Variants in MTUS2 observed in about 807,000 individuals in gnomAD.
MTUS2 encodes microtubule associated scaffold protein 2.
Under a neutral mutation model 114.1 loss-of-function variants are expected in MTUS2, and 40 were observed. The observed-to-expected ratio is 0.35, with a 90% CI of 0.27 to 0.46. MTUS2 has a LOEUF of 0.46. Ranked by LOEUF, MTUS2 falls within the 20% of genes least tolerant of loss-of-function variation. The probability of loss-of-function intolerance (pLI) is 1.00; values close to 1 mark genes in which losing one functional copy is unlikely to be tolerated. For synonymous variants in MTUS2, 688 were observed against 672.0 expected (o/e 1.02, Z -0.37); for missense variants, 1,679 against 1,705.4 (o/e 0.98, Z 0.27).
chr13:29,350,538 T>A (rs934051722), intron 7 of MTUS2, among the ~76,000 whole-genome samples: 1 of 151,928 alleles, frequency 6.6e-6, no homozygotes, highest in Non-Finnish European at 1.5e-5. Context: ...CTTACTTGAT[T>A]AGGCCAGGCT....
At chr13:28,971,395 G>C (rs925488691) in intron 2 of MTUS2, among the ~76,000 whole-genome samples, 7 of 152,160 alleles carry the variant, frequency 4.6e-5, no homozygotes, top group African/African-American at 1.7e-4. Flanking sequence ...AAGTACCTAG[G>C]ATATGTCCGA....
rs374947762 is a variant in MTUS2 at position 29,309,687 on chromosome 13, G to C, written c.2807-14926G>C. On this transcript the variant is annotated intron_variant, in intron 6 of 15. Coordinates refer to ENST00000612955, the MANE Select transcript of MTUS2 (RefSeq NM_001033602.4). Reference sequence around the variant, plus strand: ...CACAAACATTCAGACCACATAGTAGGTTCTAAATAAATATTTATAATAATA... The same window carrying C: ...CACAAACATTCAGACCACATAGTAGCTTCTAAATAAATATTTATAATAATA... Among the ~76,000 whole-genome samples, 51 of 152,198 alleles carry C rather than the reference G, an allele frequency of 3.4e-4. No homozygotes were observed. In the East Asian group the frequency reaches 9.1e-3, roughly 27 times the overall value.
chr13:29,045,622 A>G (rs892597646), intron 4 of MTUS2, among the ~76,000 whole-genome samples: 2 of 152,168 alleles, frequency 1.3e-5, no homozygotes, highest in Non-Finnish European at 2.9e-5. Context: ...GCAACCTGGA[A>G]ATGCTACATA....
chr13:28,943,541 C>T (rs1051873132), intron 2 of MTUS2, among the ~76,000 whole-genome samples: 11 of 152,138 alleles, frequency 7.2e-5, no homozygotes, highest in African/African-American at 2.7e-4. Flanking sequence ...ATCATTGCAG[C>T]AACTGTTTCT....
At chr13:29,493,261 C>T (rs1039749748) in intron 12 of MTUS2, among the ~76,000 whole-genome samples, 18 of 152,160 alleles carry the variant, frequency 1.2e-4, no homozygotes, top group African/African-American at 4.1e-4. Context: ...TCCTGCAGGC[C>T]TCTAAGGAGA....
intron 4 of MTUS2, among the ~76,000 whole-genome samples, chr13:29,059,332 C>T (rs1303831074): frequency 6.8e-6 from 1 of 147,064 alleles, no homozygotes; most frequent in Non-Finnish European, 1.5e-5. Context: ...CTAGTTTGCT[C>T]CTACGTCTTG....
intron 7 of MTUS2, among the ~76,000 whole-genome samples, chr13:29,342,594 T>C (rs574750373): frequency 6.6e-6 from 1 of 152,252 alleles, no homozygotes; most frequent in African/African-American, 2.4e-5. Context: ...TACCATTATG[T>C]CATTGGTGAA....
At chr13:29,472,084 G>T (rs1352237621) in intron 9 of MTUS2, among the ~76,000 whole-genome samples, 2 of 152,116 alleles carry the variant, frequency 1.3e-5, no homozygotes, top group Non-Finnish European at 2.9e-5. Context: ...GAGTGCAGTG[G>T]CATGATCTCG....
chr13:28,991,554 G>T (rs1258638935), intron 2 of MTUS2, among the ~76,000 whole-genome samples: 1 of 152,060 alleles, frequency 6.6e-6, no homozygotes. Context: ...ATTTTTAGTA[G>T]AGACGGGGTT....
At chr13:29,006,537 C>T (rs1223708218) in intron 2 of MTUS2, among the ~76,000 whole-genome samples, 1 of 152,096 alleles carries the variant, frequency 6.6e-6, no homozygotes, top group African/African-American at 2.4e-5. Flanking sequence ...AGTGAGTTAC[C>T]ACATAGCCAC....
At chr13:29,299,554 G>A (rs1367023917) in intron 6 of MTUS2, among the ~76,000 whole-genome samples, 1 of 152,134 alleles carries the variant, frequency 6.6e-6, no homozygotes, top group Non-Finnish European at 1.5e-5. Context: ...TGCTGTGAAA[G>A]GGAAATGAGT....
At chr13:29,306,095 T>TTAAAAACTCTC (rs1282541830) in intron 6 of MTUS2, among the ~76,000 whole-genome samples, 3 of 152,230 alleles carry the variant, frequency 2.0e-5, no homozygotes, top group African/African-American at 7.2e-5. Context: ...CATTCCTTCA[T>TTAAAAACTCTC]GTTAAAAACT....
At chr13:29,260,916 C>A (rs1265597461) in intron 5 of MTUS2, among the ~76,000 whole-genome samples, 4 of 152,118 alleles carry the variant, frequency 2.6e-5, no homozygotes, top group Admixed American at 2.0e-4. Context: ...GAACCTCTTA[C>A]AATACACAGG....
intron 5 of MTUS2, among the ~76,000 whole-genome samples, chr13:29,137,333 G>C (rs1326556994): frequency 6.6e-6 from 1 of 152,030 alleles, no homozygotes; most frequent in African/African-American, 2.4e-5. Context: ...GCCTCTTTGA[G>C]TTCATCCTGC....
chr13:28,840,372 C>CTCAA (rs1179901769), intron 2 of MTUS2, among the ~76,000 whole-genome samples: 2 of 152,164 alleles, frequency 1.3e-5, no homozygotes, highest in African/African-American at 4.8e-5. Flanking sequence ...AAGCTTAAAA[C>CTCAA]ATTTGAGGGA....
chr13:28,845,240 G>A (rs1190554417), intron 2 of MTUS2, among the ~76,000 whole-genome samples: 4 of 152,120 alleles, frequency 2.6e-5, no homozygotes, highest in Admixed American at 6.5e-5. Context: ...GTGAGCCACC[G>A]CTCCTGGCTA....
intron 2 of MTUS2, among the ~76,000 whole-genome samples, chr13:28,996,357 T>C (rs186383841): frequency 1.4e-4 from 21 of 152,164 alleles, no homozygotes; most frequent in South Asian, 4.1e-4. Flanking sequence ...GTCTAAAATT[T>C]TCTTTTTTTG....
chr13:29,443,260 G>A (rs576489674), intron 9 of MTUS2, among the ~76,000 whole-genome samples: 18 of 152,200 alleles, frequency 1.2e-4, no homozygotes, highest in Non-Finnish European at 1.9e-4. Flanking sequence ...TTCCACTCCA[G>A]GGTGAATTTC....
rs548303788 is a variant in MTUS2 at position 29,237,444 on chromosome 13, C to T, written c.2645-44260C>T. On this transcript the variant is annotated intron_variant, in intron 5 of 15. Transcript: ENST00000612955. Reference sequence around the variant, plus strand: ...CTGATTCCACCACCCTGCCCCCAAGCAGATTTCACGCTTCTCTGCTGCTTC... The same window carrying T: ...CTGATTCCACCACCCTGCCCCCAAGTAGATTTCACGCTTCTCTGCTGCTTC... Among the ~76,000 whole-genome samples the T allele has an allele frequency of 2.6e-5, 4 of 152,288 alleles. No individual in the cohort carries two copies. In the East Asian group the frequency reaches 7.7e-4, roughly 29 times the overall value.
Sources: allele counts gnomAD v4.1 joint callset (sites outside exome capture counted in the v4.1 genomes callset), GRCh38; gene constraint gnomAD v4.1.1; transcripts MANE v1.5; gene names NCBI Gene and HGNC (gene_info 2026-07-23, HGNC 2026-07-21).